Variants in RSU1 observed in about 807,000 individuals in gnomAD.
The protein encoded by RSU1 is Ras suppressor protein 1, also known as rsu-1.
A neutral mutation model predicts 31.1 loss-of-function variants in RSU1; 26 were observed. The observed-to-expected ratio is 0.84, with a 90% confidence interval of 0.61 to 1.16. The LOEUF is 1.16. Ranked by LOEUF, RSU1 falls within the 50% of genes most tolerant of loss-of-function variation. RSU1 has a pLI of 0.00. For missense variants in RSU1, 320 were observed against 339.1 expected (o/e 0.94, Z 0.44); for synonymous variants, 164 against 136.3 (o/e 1.20, Z -1.41).
intron 3 of RSU1, among the ~76,000 whole-genome samples, chr10:16,770,349 G>A (rs1477244193): frequency 1.3e-5 from 2 of 152,058 alleles, no homozygotes; most frequent in East Asian, 3.9e-4. Flanking sequence ...CGACAGCCAG[G>A]TCCTCTTCAG....
chr10:16,615,073 A>C (rs930757861), intron 8 of RSU1, among the ~76,000 whole-genome samples: 1 of 152,216 alleles, frequency 6.6e-6, no homozygotes, highest in Non-Finnish European at 1.5e-5. Flanking sequence ...CCCCAGTTAA[A>C]AGACACAGAC....
intron 2 of RSU1, among the ~76,000 whole-genome samples, chr10:16,810,554 G>A (rs1006305405): frequency 3.3e-5 from 5 of 152,080 alleles, no homozygotes; most frequent in East Asian, 1.9e-4. Context: ...GGGCCCAGCC[G>A]CCCAACTTCT....
At chr10:16,649,048 A>G (rs1434577331) in intron 8 of RSU1, among the ~76,000 whole-genome samples, 1 of 152,196 alleles carries the variant, frequency 6.6e-6, no homozygotes, top group East Asian at 1.9e-4. Context: ...CCATTTAACT[A>G]TTTCCCTTAA....
At chr10:16,789,247 C>A (rs561259849) in intron 2 of RSU1, among the ~76,000 whole-genome samples, 3 of 152,170 alleles carry the variant, frequency 2.0e-5, no homozygotes, top group African/African-American at 7.2e-5. Flanking sequence ...GAAATTCAGT[C>A]GTTGCTTCAG....
At chr10:16,740,772 T>C (rs992457978) in intron 7 of RSU1, among the ~76,000 whole-genome samples, 1 of 152,132 alleles carries the variant, frequency 6.6e-6, no homozygotes, top group African/African-American at 2.4e-5. Flanking sequence ...TATCAAAAAC[T>C]CTGAAATCTA....
intron 3 of RSU1, among the ~76,000 whole-genome samples, chr10:16,778,693 AGGAG>A: frequency 6.6e-6 from 1 of 152,162 alleles, no homozygotes; most frequent in South Asian, 2.1e-4. Context: ...GGTAGAGAGG[AGGAG>A]GGAGGAGGAG....
At chr10:16,751,474 C>A (rs187745574) in intron 7 of RSU1, among the ~76,000 whole-genome samples, 144 of 152,316 alleles carry the variant, frequency 9.5e-4, no homozygotes, top group African/African-American at 3.4e-3. Flanking sequence ...TGCTGATAGG[C>A]GTGCTCTGTG....
intron 2 of RSU1, among the ~76,000 whole-genome samples, chr10:16,805,092 T>G (rs1407346525): frequency 2.0e-5 from 3 of 152,086 alleles, no homozygotes; most frequent in Non-Finnish European, 2.9e-5. Flanking sequence ...TCCCAGCTAC[T>G]CGGGAGGCTG....
chr10:16,723,496 G>T (rs1308610782), intron 7 of RSU1, among the ~76,000 whole-genome samples: 4 of 152,202 alleles, frequency 2.6e-5, no homozygotes, highest in African/African-American at 2.4e-5. Flanking sequence ...TCCAATGGCA[G>T]ATTCCAGATG....
At chr10:16,803,359 C>T (rs1185816478) in intron 2 of RSU1, among the ~76,000 whole-genome samples, 2 of 151,952 alleles carry the variant, frequency 1.3e-5, no homozygotes, top group African/African-American at 4.8e-5. Flanking sequence ...AAATCAAAGA[C>T]CTAAATAAAC....
chr10:16,679,497 T>A (rs3864821), intron 8 of RSU1, among the ~76,000 whole-genome samples: 10 of 151,960 alleles, frequency 6.6e-5, no homozygotes, highest in African/African-American at 2.2e-4. Flanking sequence ...TAAAAGGAGC[T>A]TAGAGTTGAT....
intron 4 of RSU1, among the ~76,000 whole-genome samples, chr10:16,757,074 TGTGTGCTGTGG>T (rs942526083): frequency 3.7e-5 from 4 of 108,060 alleles, no homozygotes; most frequent in African/African-American, 1.9e-4. Flanking sequence ...ACGGTATGTG[TGTGTGCTGTGG>T]GTGTGGTGCG....
intron 2 of RSU1, among the ~76,000 whole-genome samples, chr10:16,784,630 A>C (rs1188775023): frequency 6.6e-6 from 1 of 152,244 alleles, no homozygotes; most frequent in Non-Finnish European, 1.5e-5. Flanking sequence ...TCACAGTTCC[A>C]TATGGCTGGG....
chr10:16,708,802 T>C (rs1835958352), intron 7 of RSU1, among the ~76,000 whole-genome samples: 1 of 151,518 alleles, frequency 6.6e-6, no homozygotes, highest in Non-Finnish European at 1.5e-5. Context: ...CAATTTGGTT[T>C]TGTTTCTATT....
At chr10:16,740,958 C>A (rs934372004) in intron 7 of RSU1, among the ~76,000 whole-genome samples, 2 of 152,112 alleles carry the variant, frequency 1.3e-5, no homozygotes, top group Non-Finnish European at 2.9e-5. Flanking sequence ...AATTAACAAG[C>A]TGATTCTAAA....
At chr10:16,768,051 A>C (rs1161873507) in intron 3 of RSU1, among the ~76,000 whole-genome samples, 1 of 152,242 alleles carries the variant, frequency 6.6e-6, no homozygotes, top group African/African-American at 2.4e-5. Flanking sequence ...GCATTTTAAA[A>C]GCTAACAGTG....
intron 7 of RSU1, among the ~76,000 whole-genome samples, chr10:16,699,651 G>A (rs1564322496): frequency 2.0e-5 from 3 of 152,204 alleles, no homozygotes; most frequent in Non-Finnish European, 4.4e-5. Context: ...ACAAGGATCA[G>A]GCAGCAGGAT....
At chr10:16,727,920 A>C (rs1282220894) in intron 7 of RSU1, among the ~76,000 whole-genome samples, 2 of 152,184 alleles carry the variant, frequency 1.3e-5, no homozygotes, top group Admixed American at 1.3e-4. Context: ...AAGATCCGAA[A>C]CACCACCACA....
At chr10:16,695,365 G>A (rs1205457181) in intron 7 of RSU1, among the ~76,000 whole-genome samples, 2 of 152,124 alleles carry the variant, frequency 1.3e-5, no homozygotes, top group Non-Finnish European at 2.9e-5. Flanking sequence ...AACAAAGGAA[G>A]GAAGAAAGAA....
Sources: allele counts gnomAD v4.1 joint callset (sites outside exome capture counted in the v4.1 genomes callset), GRCh38; gene constraint gnomAD v4.1.1; transcripts MANE v1.5; gene names NCBI Gene and HGNC (gene_info 2026-07-23, HGNC 2026-07-21).